Variants in ZNF521 observed in about 807,000 individuals in gnomAD.
The protein encoded by ZNF521 is zinc finger protein 521, also known as LYST-interacting protein 3.
Under a neutral mutation model 105.5 loss-of-function variants are expected in ZNF521, and 14 were observed. The ratio of observed to expected loss-of-function variants is 0.13; its 90% CI spans 0.09 to 0.21. The LOEUF (loss-of-function observed/expected upper bound fraction) is 0.21, where lower values mean the gene tolerates loss of function less well. Ranked by LOEUF, ZNF521 falls within the 10% of genes least tolerant of loss-of-function variation. The pLI, the probability that ZNF521 is intolerant of heterozygous loss-of-function variation, is 1.00. For missense variants in ZNF521, 1,233 were observed against 1,629.7 expected, an observed-to-expected ratio of 0.76 and a Z score of 4.19; for synonymous variants, 635 against 606.0, an observed-to-expected ratio of 1.05 and a Z score of -0.70.
chr18:25,267,747 G>A (rs1312986574), intron 3 of ZNF521, among the ~76,000 whole-genome samples: 1 of 152,112 alleles, frequency 6.6e-6, no homozygotes, highest in Non-Finnish European at 1.5e-5. Context: ...TCAACAAACA[G>A]GATGTCCACT....
At chr18:25,260,643 A>G (rs920934773) in intron 3 of ZNF521, among the ~76,000 whole-genome samples, 6 of 152,136 alleles carry the variant, frequency 3.9e-5, no homozygotes, top group African/African-American at 1.4e-4. Context: ...TATCCATAAA[A>G]CTTTATACTT....
At position 25,337,390 on chromosome 18, in the gene ZNF521, G is replaced by A. The variant is rs144109115; in HGVS notation, c.40+13517C>T. Among the ~76,000 whole-genome samples, 395 of 152,230 alleles carry A rather than the reference G, an allele frequency of 2.6e-3. 3 individuals are homozygous for A. Among genetic ancestry groups the A allele is most frequent in the African/African-American group, 9.2e-3 (381 of 41,554 alleles). On this transcript the variant is annotated intron_variant, in intron 2 of 7. Coordinates refer to ENST00000361524, the MANE Select transcript of ZNF521 (RefSeq NM_015461.3). ...AAAAGGCAAACTGGGGAAAATATTT[G>A]CAACACATAAGTCAGGCAAAGAGCT...
chr18:25,188,494 A>G (rs2035764357), intron 5 of ZNF521, among the ~76,000 whole-genome samples: 1 of 152,160 alleles, frequency 6.6e-6, no homozygotes, highest in African/African-American at 2.4e-5. Flanking sequence ...GGCAAGCATG[A>G]CTGTGCAGGG....
intron 5 of ZNF521, among the ~76,000 whole-genome samples, chr18:25,188,460 G>A (rs1160734874): frequency 6.6e-6 from 1 of 152,196 alleles, no homozygotes; most frequent in African/African-American, 2.4e-5. Context: ...TGTGGAAATA[G>A]GTCACGATGT....
At chr18:25,253,978 T>C (rs1226066356) in intron 3 of ZNF521, among the ~76,000 whole-genome samples, 1 of 152,190 alleles carries the variant, frequency 6.6e-6, no homozygotes, top group Non-Finnish European at 1.5e-5. Flanking sequence ...TAATCTTACT[T>C]GGCATGAACA....
intron 2 of ZNF521, among the ~76,000 whole-genome samples, chr18:25,333,647 G>C (rs1913715716): frequency 6.6e-6 from 1 of 152,056 alleles, no homozygotes; most frequent in South Asian, 2.1e-4. Flanking sequence ...TGCCACACCA[G>C]TCCTTGGGAC....
At chr18:25,308,458 C>T (rs1187685342) in intron 3 of ZNF521, among the ~76,000 whole-genome samples, 1 of 152,158 alleles carries the variant, frequency 6.6e-6, no homozygotes, top group Non-Finnish European at 1.5e-5. Context: ...AATTCTCCAT[C>T]TTACACATTT....
chr18:25,191,190 A>C (rs1169480981), intron 5 of ZNF521, among the ~76,000 whole-genome samples: 1 of 152,184 alleles, frequency 6.6e-6, no homozygotes. Context: ...GATGAAAAAA[A>C]TAAAACATAT....
chr18:25,152,807 C>T (rs1306444180), intron 5 of ZNF521, among the ~76,000 whole-genome samples: 2 of 152,004 alleles, frequency 1.3e-5, no homozygotes, highest in Admixed American at 6.6e-5. Context: ...TCTGCTCTTC[C>T]GTGTTGTCTT....
chr18:25,146,208 C>T (rs1344093058), intron 5 of ZNF521, among the ~76,000 whole-genome samples: 1 of 152,110 alleles, frequency 6.6e-6, no homozygotes, highest in Non-Finnish European at 1.5e-5. Context: ...GTTTTTCTAA[C>T]CACTGAGCTT....
chr18:25,144,838 T>C (rs2034913421), intron 5 of ZNF521, among the ~76,000 whole-genome samples: 1 of 152,180 alleles, frequency 6.6e-6, no homozygotes, highest in Non-Finnish European at 1.5e-5. Context: ...AATCTCAAGA[T>C]AAAGGCTAAA....
chr18:25,327,283 G>T, intron 2 of ZNF521: 1 of 229,116 alleles, frequency 4.4e-6, no homozygotes, highest in Middle Eastern at 2.1e-3. Flanking sequence ...TCAAAGTAAT[G>T]CATTCCACAC....
chr18:25,116,928 TATATAC>T (rs1348611576), intron 5 of ZNF521, among the ~76,000 whole-genome samples: 7 of 143,996 alleles, frequency 4.9e-5, no homozygotes, highest in African/African-American at 1.8e-4. Flanking sequence ...TCTATGTATA[TATATAC>T]GTATATATAC....
intron 5 of ZNF521, among the ~76,000 whole-genome samples, chr18:25,150,702 A>T (rs567138053): frequency 6.6e-6 from 1 of 151,976 alleles, no homozygotes; most frequent in Non-Finnish European, 1.5e-5. Flanking sequence ...CCTCTCTTTT[A>T]TCTTTCACAT....
intron 5 of ZNF521, among the ~76,000 whole-genome samples, chr18:25,183,025 T>C (rs776192450): frequency 6.6e-5 from 10 of 152,220 alleles, no homozygotes; most frequent in Non-Finnish European, 1.5e-4. Flanking sequence ...ATAATTACTG[T>C]TATTTGGGTA....
At chr18:25,127,535 T>A (rs1417581296) in intron 5 of ZNF521, among the ~76,000 whole-genome samples, 1 of 151,882 alleles carries the variant, frequency 6.6e-6, no homozygotes, top group African/African-American at 2.4e-5. Flanking sequence ...ACTTGCCTAA[T>A]CAAAAACACA....
chr18:25,220,729 T>G (rs1905664453), intron 4 of ZNF521, among the ~76,000 whole-genome samples: 1 of 152,136 alleles, frequency 6.6e-6, no homozygotes, highest in Non-Finnish European at 1.5e-5. Flanking sequence ...AATTGAAATG[T>G]GAGTAAATAG....
At chr18:25,173,500 G>A (rs1441025320) in intron 5 of ZNF521, among the ~76,000 whole-genome samples, 1 of 152,170 alleles carries the variant, frequency 6.6e-6, no homozygotes, top group Non-Finnish European at 1.5e-5. Context: ...GACTGTTTAA[G>A]GCAACCACCC....
chr18:25,166,530 C>A (rs1393656175), intron 5 of ZNF521, among the ~76,000 whole-genome samples: 1 of 152,142 alleles, frequency 6.6e-6, no homozygotes, highest in Non-Finnish European at 1.5e-5. Flanking sequence ...GAGATAAAGA[C>A]ACATATGCAC....
Sources: gnomAD v4.1 joint callset for allele counts (sites outside exome capture counted in the v4.1 genomes callset) on GRCh38, gnomAD v4.1.1 for gene constraint, MANE v1.5 for transcripts, NCBI Gene and HGNC (gene_info 2026-07-23, HGNC 2026-07-21) for gene names.